Variants in SULF1 observed in about 807,000 individuals in gnomAD.
SULF1 encodes sulfatase 1.
SULF1 carries 46 observed loss-of-function variants against 110.5 expected under a neutral mutation model. That is an observed-to-expected ratio of 0.42 (90% confidence interval 0.33 to 0.53). The LOEUF is 0.53. Ranked by LOEUF, SULF1 falls within the 20% of genes least tolerant of loss-of-function variation. The pLI, the probability that SULF1 is intolerant of heterozygous loss-of-function variation, is 0.12. For synonymous variants in SULF1, 371 were observed against 387.1 expected (o/e 0.96, Z 0.49); for missense variants, 941 against 1,094.2 (o/e 0.86, Z 1.98).
chr8:69,533,415 C>G (rs960730021), intron 3 of SULF1, among the ~76,000 whole-genome samples: 1 of 152,152 alleles, frequency 6.6e-6, no homozygotes. Context: ...GTCCCCCTCC[C>G]CCAGTGGGCC....
intron 13 of SULF1, among the ~76,000 whole-genome samples, chr8:69,618,462 A>T (rs185546771): frequency 1.2e-4 from 18 of 152,340 alleles, no homozygotes; most frequent in Non-Finnish European, 2.4e-4. Context: ...AGTATACAAG[A>T]GTATGTATGT....
intron 7 of SULF1, among the ~76,000 whole-genome samples, chr8:69,587,300 G>T (rs368259019): frequency 6.6e-6 from 1 of 152,064 alleles, no homozygotes; most frequent in Non-Finnish European, 1.5e-5. Flanking sequence ...AGAAGAAGCC[G>T]AGAATCTGCT....
chr8:69,504,243 G>T (rs1811011846), intron 3 of SULF1, among the ~76,000 whole-genome samples: 1 of 151,472 alleles, frequency 6.6e-6, no homozygotes, highest in South Asian at 2.1e-4. Flanking sequence ...GAAAATACAA[G>T]TAAGTGTCTA....
chr8:69,470,616 C>T (rs1248302875), intron 1 of SULF1, among the ~76,000 whole-genome samples: 1 of 152,120 alleles, frequency 6.6e-6, no homozygotes, highest in Non-Finnish European at 1.5e-5. Context: ...ATTGCAACAG[C>T]CTCCTAAATG....
At chr8:69,603,835 T>C (rs1301944677) in intron 12 of SULF1, among the ~76,000 whole-genome samples, 179 bp downstream of exon 12, 1 of 152,158 alleles carries the variant, frequency 6.6e-6, no homozygotes, top group East Asian at 1.9e-4. Context: ...AATTGCTGGA[T>C]CAGAATTGTA....
At chr8:69,517,339 G>A (rs184370990) in intron 3 of SULF1, among the ~76,000 whole-genome samples, 7 of 152,240 alleles carry the variant, frequency 4.6e-5, no homozygotes, top group Admixed American at 3.3e-4. Context: ...CCATCACAAT[G>A]GCAACTAAAT....
intron 13 of SULF1, among the ~76,000 whole-genome samples, chr8:69,619,903 CT>C (rs1281336633): frequency 1.3e-5 from 2 of 152,228 alleles, no homozygotes; most frequent in Admixed American, 6.5e-5. Flanking sequence ...GCCTTGCCGT[CT>C]GCAGACAGCT....
At chr8:69,505,167 T>C (rs1811096019) in intron 3 of SULF1, among the ~76,000 whole-genome samples, 1 of 152,204 alleles carries the variant, frequency 6.6e-6, no homozygotes, top group Admixed American at 6.5e-5. Context: ...CAAGGAGAGA[T>C]AGGTTGTATT....
At chr8:69,580,565 C>A (rs1428361548) in intron 6 of SULF1, among the ~76,000 whole-genome samples, 4 of 152,124 alleles carry the variant, frequency 2.6e-5, no homozygotes, top group Non-Finnish European at 5.9e-5. Flanking sequence ...AGTTTTCTTT[C>A]TTGTCCAAAG....
chr8:69,485,538 T>C (rs1001141168), intron 1 of SULF1, among the ~76,000 whole-genome samples: 1 of 152,158 alleles, frequency 6.6e-6, no homozygotes, highest in Non-Finnish European at 1.5e-5. Flanking sequence ...TTCTTCCTAA[T>C]GCACCTGCCA....
chr8:69,530,077 G>A (rs965640213), intron 3 of SULF1, among the ~76,000 whole-genome samples: 4 of 152,166 alleles, frequency 2.6e-5, no homozygotes, highest in African/African-American at 9.7e-5. Flanking sequence ...TGAAATAAAT[G>A]CAGTAAATGC....
At chr8:69,646,601 C>T (rs1363310287) in intron 22 of SULF1, among the ~76,000 whole-genome samples, 1 of 151,910 alleles carries the variant, frequency 6.6e-6, no homozygotes, top group Non-Finnish European at 1.5e-5. Flanking sequence ...TTATTATCCC[C>T]ATTTTACAGA....
intron 19 of SULF1, among the ~76,000 whole-genome samples, chr8:69,635,563 G>A (rs540003430): frequency 7.9e-5 from 12 of 152,338 alleles, no homozygotes; most frequent in Middle Eastern, 3.4e-3. Context: ...TAGGATAGCA[G>A]AGTCTAGTAA....
intron 5 of SULF1, among the ~76,000 whole-genome samples, chr8:69,573,218 G>C (rs994645560): frequency 1.2e-4 from 18 of 152,254 alleles, no homozygotes; most frequent in South Asian, 2.1e-4. Flanking sequence ...CTTTTGACGT[G>C]TGGACTGGTG....
chr8:69,555,740 G>A (rs539986323), intron 3 of SULF1, among the ~76,000 whole-genome samples: 2 of 151,978 alleles, frequency 1.3e-5, no homozygotes, highest in South Asian at 2.1e-4. Flanking sequence ...TCCTACATAC[G>A]ACTGTGAGAT....
intron 1 of SULF1, among the ~76,000 whole-genome samples, chr8:69,477,176 G>A (rs1809334739): frequency 6.6e-6 from 1 of 152,138 alleles, no homozygotes; most frequent in Non-Finnish European, 1.5e-5. Context: ...AATAAGTAGA[G>A]AAGTCAGAAA....
chr8:69,617,041 T>C (rs1275738303), intron 13 of SULF1, among the ~76,000 whole-genome samples: 2 of 152,026 alleles, frequency 1.3e-5, no homozygotes, highest in Non-Finnish European at 2.9e-5. Flanking sequence ...CTTAAACCAT[T>C]TGGATTTAAG....
At chr8:69,482,823 C>T (rs1177725206) in intron 1 of SULF1, among the ~76,000 whole-genome samples, 1 of 152,020 alleles carries the variant, frequency 6.6e-6, no homozygotes, top group Non-Finnish European at 1.5e-5. Flanking sequence ...AACTAGGATC[C>T]AGGTCTCCTA....
intron 8 of SULF1, among the ~76,000 whole-genome samples, chr8:69,596,732 C>T (rs1395014526): frequency 2.0e-5 from 3 of 152,138 alleles, no homozygotes; most frequent in African/African-American, 7.2e-5. Flanking sequence ...CCTCTGTGCA[C>T]TTTACTTCCT....
Sources: allele counts gnomAD v4.1 joint callset (sites outside exome capture counted in the v4.1 genomes callset), GRCh38; gene constraint gnomAD v4.1.1; transcripts MANE v1.5; gene names NCBI Gene and HGNC (gene_info 2026-07-23, HGNC 2026-07-21).